The following FBXO31 variants were observed in gnomAD, a reference collection of about 807,000 sequenced individuals.
FBXO31 encodes F-box protein 31.
A neutral mutation model predicts 54.4 loss-of-function variants in FBXO31; 24 were observed. That is an observed-to-expected ratio of 0.44 (90% CI 0.32 to 0.62). The LOEUF (loss-of-function observed/expected upper bound fraction) is 0.62. FBXO31 is among the 20% of genes least tolerant of loss of function. The pLI is 0.05. For synonymous variants in FBXO31, 388 were observed against 335.6 expected, an observed-to-expected ratio of 1.16 and a Z score of -1.71; for missense variants, 665 against 787.1, an observed-to-expected ratio of 0.84 and a Z score of 1.86.
At chr16:87,347,441 C>T (rs1438404072) in intron 2 of FBXO31, among the ~76,000 whole-genome samples, 191 bp from the exon 3 acceptor site, 1 of 152,090 alleles carries the variant, frequency 6.6e-6, no homozygotes, top group Non-Finnish European at 1.5e-5. Context: ...CGCCTTTAAT[C>T]CCAGCACTTT....
chr16:87,383,364 A>ACCCCCCCCCCCCCCCCCCC lies in FBXO31; in HGVS notation c.340+40_340+41insGGGGGGGGGGGGGGGGGGG. On this transcript the variant is annotated intron_variant, in intron 1 of 8. Coordinates refer to ENST00000311635, the MANE Select transcript of FBXO31 (RefSeq NM_024735.5). This position sits in a 1 kb window ranked among gnomAD's most constrained non-coding sequence, Gnocchi z 4.9. ...GCTCCGAGGCCTCCACCTGGCAGGGACCCCCCGCCCCTCCCGGCCCCGCCA... is the reference window on the plus strand; with the variant it reads ...GCTCCGAGGCCTCCACCTGGCAGGGACCCCCCCCCCCCCCCCCCCCCCCCCGCCCCTCCCGGCCCCGCCA... 3 of 1,329,442 alleles carry ACCCCCCCCCCCCCCCCCCC rather than the reference A, an allele frequency of 2.3e-6. No individual in the cohort carries two copies. Among genetic ancestry groups the ACCCCCCCCCCCCCCCCCCC allele is most frequent in the South Asian group, 1.3e-5 (1 of 76,816 alleles). The allele number at this position is 1,329,442 out of a possible 1,614,324, so 82.4% of individuals were successfully genotyped here. A position where few individuals can be genotyped will look rare whatever the true frequency, so the allele number is the denominator to read the frequency against.
intron 2 of FBXO31, among the ~76,000 whole-genome samples, chr16:87,348,918 C>T (rs781498234): frequency 1.3e-5 from 2 of 152,214 alleles, no homozygotes; most frequent in Non-Finnish European, 2.9e-5. Flanking sequence ...CACCGGAATC[C>T]AGCAGAAGCA....
rs769320774 is a variant in FBXO31 at position 87,336,132 on chromosome 16, C to T, written c.842+23G>A. ...ACACACCAGGAGAGGGCTACCCCAG[C>T]ACCGAGCAGGAGCCGCACTCACTCG... On this transcript the variant is annotated intron_variant, in intron 6 of 8. Transcript: ENST00000311635. The surrounding 1 kb of genome is among the most constrained non-coding windows in gnomAD (Gnocchi z 6.5). 6.2e-7 allele frequency: 1 copy of T among 1,600,680 alleles called. No homozygotes were observed. The highest frequency in any genetic ancestry group is 1.7e-5 in the Admixed American group (1 of 59,968).
At chr16:87,382,506 T>A (rs530088287) in intron 1 of FBXO31, among the ~76,000 whole-genome samples, 4 of 152,204 alleles carry the variant, frequency 2.6e-5, no homozygotes, top group African/African-American at 9.6e-5. Context: ...CATCTCCTCC[T>A]GTGATCTGTT....
chr16:87,371,646 C>G (rs1318765848), intron 1 of FBXO31, among the ~76,000 whole-genome samples: 1 of 152,270 alleles, frequency 6.6e-6, no homozygotes, highest in Non-Finnish European at 1.5e-5. Flanking sequence ...TTTGAGAGGA[C>G]ACTCGTTCCC....
chr16:87,329,543 G>A lies in FBXO31; in HGVS notation c.*1745C>T, dbSNP rs1904769864. On this transcript the variant is annotated 3_prime_UTR_variant, in exon 9 of 9. Transcript: ENST00000311635. ...CAGTCCTCCAGGCTTCAAGGCCACA[G>A]TCACCGTCACTCAGAGACTGCCTCA... 1 of 152,308 alleles carries A rather than the reference G, an allele frequency of 6.6e-6. No individual in the cohort carries two copies. Among genetic ancestry groups the A allele is most frequent in the Admixed American group, 6.5e-5 (1 of 15,290 alleles). 9.4% of individuals were successfully genotyped at this position (152,308 alleles called of 1,614,324 possible).
At chr16:87,387,931 G>A (rs1222641772), upstream of FBXO31, among the ~76,000 whole-genome samples, 1 of 152,176 alleles carries the variant, frequency 6.6e-6, no homozygotes, top group Non-Finnish European at 1.5e-5. Flanking sequence ...CTGGAAAGAA[G>A]GGAAAATATT....
At chr16:87,342,168 C>T (rs536944911) in intron 5 of FBXO31, among the ~76,000 whole-genome samples, 8 of 152,142 alleles carry the variant, frequency 5.3e-5, no homozygotes, top group Non-Finnish European at 1.2e-4. Context: ...TGGGCTCAGA[C>T]AATCCTCTCA....
chr16:87,370,967 G>A (rs1906577692), intron 1 of FBXO31, among the ~76,000 whole-genome samples: 1 of 152,228 alleles, frequency 6.6e-6, no homozygotes, highest in South Asian at 2.1e-4. Flanking sequence ...ACATGCCCCC[G>A]GGCTCCAAGA....
In FBXO31 at chr16:87,338,005, A is replaced by G. The variant is rs189571267; in HGVS notation, c.733-1741T>C. 6.6e-6 allele frequency among the ~76,000 whole-genome samples: 1 copy of G among 152,354 alleles called. No individual in the cohort carries two copies. The highest frequency in any genetic ancestry group is 1.9e-4 in the East Asian group (1 of 5,192). ...AGGAAAGGCTCTTTAAATAACAGAT[A>G]GAAACAAAAGTAACTGAATGTAATG... On this transcript the variant is annotated intron_variant, in intron 5 of 8. Transcript: ENST00000311635. This position sits in a 1 kb window ranked among gnomAD's most constrained non-coding sequence, Gnocchi z 4.3.
intron 2 of FBXO31, among the ~76,000 whole-genome samples, chr16:87,355,298 G>A (rs1050208658): frequency 1.3e-5 from 2 of 152,168 alleles, no homozygotes; most frequent in Non-Finnish European, 1.5e-5. Flanking sequence ...AGCCACGCAC[G>A]GCCCCAAAAT....
chr16:87,335,304 C>G lies in FBXO31; in HGVS notation c.996G>C (p.Thr332=). ...ACCAACCAGGTCAGCCGCCACTCAC[C>G]GTGATCTTGGTGCCCCTGGCACGCC... ...HGRRARGTKI[T]GDPNIPAGQQ... The change falls in exon 7 of 9, where the codon ACG becomes ACC. Residue 332 remains threonine (T), a splice_region_variant and synonymous_variant. Coordinates refer to ENST00000311635, the MANE Select transcript of FBXO31 (RefSeq NM_024735.5). This position sits in a 1 kb window ranked among gnomAD's most constrained non-coding sequence, Gnocchi z 5.7. 1 of 1,613,478 alleles carries G rather than the reference C, an allele frequency of 6.2e-7. No homozygotes were observed. Among genetic ancestry groups the G allele is most frequent in the Non-Finnish European group, 8.5e-7 (1 of 1,179,992 alleles).
At chr16:87,365,339 T>C (rs1409521070) in intron 1 of FBXO31, among the ~76,000 whole-genome samples, 1 of 152,028 alleles carries the variant, frequency 6.6e-6, no homozygotes, top group Non-Finnish European at 1.5e-5. Context: ...TAACACGTCC[T>C]AGATCCTCAT....
Position 87,331,199 on chromosome 16 carries a change from G to A in FBXO31, c.*89C>T, listed in dbSNP as rs865900194. On this transcript the variant is annotated 3_prime_UTR_variant, in exon 9 of 9. Coordinates refer to ENST00000311635, the MANE Select transcript of FBXO31 (RefSeq NM_024735.5). ...AGGTGTGCGTTCTGGTCAAAAGGCCGGATTTCCAAAGTGCATGCTGCTTCT... is the reference window on the plus strand; with the variant it reads ...AGGTGTGCGTTCTGGTCAAAAGGCCAGATTTCCAAAGTGCATGCTGCTTCT... 15 of 1,371,292 alleles carry A rather than the reference G, an allele frequency of 1.1e-5. No individual in the cohort carries two copies. The highest frequency in any genetic ancestry group is 2.4e-5 in the East Asian group (1 of 41,986). The allele number at this position is 1,371,292 out of a possible 1,614,324, so 84.9% of individuals were successfully genotyped here.
chr16:87,351,563 T>A (rs553119998), intron 2 of FBXO31, among the ~76,000 whole-genome samples: 109 of 152,180 alleles, frequency 7.2e-4, no homozygotes, highest in Non-Finnish European at 7.4e-5. Flanking sequence ...TATCTTCCCA[T>A]ATGAAATAGC....
At position 87,335,518 on chromosome 16, in the gene FBXO31, C is replaced by T; in HGVS notation, c.843-61G>A. The T allele has an allele frequency of 6.5e-7, 1 of 1,529,104 alleles. No individual in the cohort carries two copies. Among genetic ancestry groups the T allele is most frequent in the Non-Finnish European group, 8.8e-7 (1 of 1,131,214 alleles). The allele number at this position is 1,529,104 out of a possible 1,614,324, so 94.7% of individuals were successfully genotyped here. ...GTGGGGCAGGCAGGACTGAGAACGC[C>T]CAAGGTGCCAGGGATGAGCTTTGCA... On this transcript the variant is annotated intron_variant, in intron 6 of 8. Coordinates refer to ENST00000311635, the MANE Select transcript of FBXO31 (RefSeq NM_024735.5). This position sits in a 1 kb window ranked among gnomAD's most constrained non-coding sequence, Gnocchi z 5.7.
chr16:87,348,272 AG>A (rs1413423032), intron 2 of FBXO31, among the ~76,000 whole-genome samples: 4 of 152,168 alleles, frequency 2.6e-5, no homozygotes, highest in Non-Finnish European at 4.4e-5. Flanking sequence ...AGGTCAGCCC[AG>A]CCCAGCCCCT....
chr16:87,335,502 G>A lies in FBXO31; in HGVS notation c.843-45C>T, dbSNP rs1352067183. On this transcript the variant is annotated intron_variant, in intron 6 of 8. Transcript: ENST00000311635. The surrounding 1 kb of genome is among the most constrained non-coding windows in gnomAD (Gnocchi z 5.7). The stretch of plus-strand genomic sequence containing the variant: ...CAGTACAGGAGACCTCGTGGGGCAG[G>A]CAGGACTGAGAACGCCCAAGGTGCC... 2 of 1,552,824 alleles carry A rather than the reference G, an allele frequency of 1.3e-6. No individual in the cohort carries two copies. The highest frequency in any genetic ancestry group is 2.3e-5 in the South Asian group (2 of 87,632).
rs919933727 is a variant in FBXO31 at position 87,336,887 on chromosome 16, G to T, written c.733-623C>A. On this transcript the variant is annotated intron_variant, in intron 5 of 8. Coordinates refer to ENST00000311635, the MANE Select transcript of FBXO31 (RefSeq NM_024735.5). The surrounding 1 kb of genome is among the most constrained non-coding windows in gnomAD (Gnocchi z 6.5). ...GTGCTGAGGATATTTCGTGCTTAAT[G>T]GTTTGATTCTACACAATTTACAGAA... Among the ~76,000 whole-genome samples, 11 of 152,188 alleles carry T rather than the reference G, an allele frequency of 7.2e-5. No individual in the cohort carries two copies. The highest frequency in any genetic ancestry group is 2.7e-4 in the African/African-American group (11 of 41,440).
Sources: allele counts gnomAD v4.1 joint callset (sites outside exome capture counted in the v4.1 genomes callset), GRCh38; gene constraint gnomAD v4.1.1; non-coding constraint Gnocchi (gnomAD v3.1); transcripts MANE v1.5; gene names NCBI Gene and HGNC (gene_info 2026-07-23, HGNC 2026-07-21).